ADAM22: variants seen among roughly 807,000 people sequenced by gnomAD.
ADAM22 encodes disintegrin and metalloproteinase domain-containing protein 22.
A neutral mutation model predicts 144.6 loss-of-function variants in ADAM22; 65 were observed. The ratio of observed to expected loss-of-function variants is 0.45; its 90% CI spans 0.37 to 0.55. The LOEUF (loss-of-function observed/expected upper bound fraction) is 0.55, where lower values mean the gene tolerates loss of function less well. Ranked by LOEUF, ADAM22 falls within the 20% of genes least tolerant of loss-of-function variation. The pLI is 0.00. For synonymous variants in ADAM22, 391 were observed against 412.6 expected (o/e 0.95, Z 0.63); for missense variants, 974 against 1,184.9 (o/e 0.82, Z 2.61).
chr7:88,085,230 A>G (rs182740781), intron 4 of ADAM22, among the ~76,000 whole-genome samples: 71 of 152,318 alleles, frequency 4.7e-4, no homozygotes, highest in African/African-American at 1.5e-3. Context: ...ATGAAAGGAA[A>G]TATGAAATCA....
At chr7:88,073,332 C>T (rs1813321636) in intron 3 of ADAM22, among the ~76,000 whole-genome samples, 1 of 152,076 alleles carries the variant, frequency 6.6e-6, no homozygotes, top group Admixed American at 6.5e-5. Flanking sequence ...GTGAGAATTG[C>T]AGCCATCATA....
chr7:88,167,451 C>T (rs878931595), intron 24 of ADAM22, among the ~76,000 whole-genome samples: 4 of 152,132 alleles, frequency 2.6e-5, no homozygotes, highest in Non-Finnish European at 5.9e-5. Flanking sequence ...GAGCTTCAAT[C>T]CCGCCCTGGA....
intron 7 of ADAM22, among the ~76,000 whole-genome samples, chr7:88,123,685 G>C (rs906120003): frequency 5.9e-5 from 9 of 151,684 alleles, no homozygotes; most frequent in Non-Finnish European, 1.3e-4. Flanking sequence ...TCTTAAGGTG[G>C]AAGATTAGAT....
At chr7:88,059,140 C>G (rs556920611) in intron 3 of ADAM22, among the ~76,000 whole-genome samples, 25 of 152,260 alleles carry the variant, frequency 1.6e-4, no homozygotes, top group African/African-American at 5.5e-4. Flanking sequence ...GAGGTTCACT[C>G]TCTGGGCAAA....
At chr7:87,998,348 A>G (rs1300203379) in intron 3 of ADAM22, among the ~76,000 whole-genome samples, 1 of 152,124 alleles carries the variant, frequency 6.6e-6, no homozygotes, top group Non-Finnish European at 1.5e-5. Flanking sequence ...GGCTCATGGG[A>G]TTACATTAGA....
chr7:87,934,909 G>A (rs1840833584), intron 1 of ADAM22, 117 bp from the exon 2 acceptor site: 2 of 1,426,674 alleles, frequency 1.4e-6, no homozygotes, highest in Admixed American at 1.8e-5. Flanking sequence ...CGAGAGGGAG[G>A]GGGCGGTGGG....
intron 11 of ADAM22, 182 bp from the exon 12 acceptor site, chr7:88,132,685 C>T (rs868611683): frequency 2.2e-6 from 1 of 457,134 alleles, no homozygotes; most frequent in Admixed American, 3.8e-5. Context: ...AAGAAAACAT[C>T]CCTCATAAAC....
At chr7:88,190,857 C>T (rs1385720528) in intron 30 of ADAM22, among the ~76,000 whole-genome samples, 1 of 152,128 alleles carries the variant, frequency 6.6e-6, no homozygotes, top group Non-Finnish European at 1.5e-5. Flanking sequence ...CTGTCACATA[C>T]CACCCAGCCT....
intron 4 of ADAM22, among the ~76,000 whole-genome samples, chr7:88,106,052 T>C (rs532258080): frequency 6.6e-6 from 1 of 152,230 alleles, no homozygotes; most frequent in South Asian, 2.1e-4. Flanking sequence ...ACACAGCTGG[T>C]AAGGGAAGGC....
intron 4 of ADAM22, among the ~76,000 whole-genome samples, chr7:88,081,043 A>G (rs1463483475): frequency 6.6e-6 from 1 of 152,212 alleles, no homozygotes; most frequent in Non-Finnish European, 1.5e-5. Flanking sequence ...ACAAAAAAAG[A>G]GAATTTTAGA....
At chr7:88,033,094 A>G (rs866392968) in intron 3 of ADAM22, among the ~76,000 whole-genome samples, 2 of 152,254 alleles carry the variant, frequency 1.3e-5, no homozygotes, top group South Asian at 4.2e-4. Flanking sequence ...CTTGATGCTT[A>G]TGGATGTTCA....
chr7:88,004,017 AC>A (rs548440494), intron 3 of ADAM22, among the ~76,000 whole-genome samples: 267 of 152,330 alleles, frequency 1.8e-3, no homozygotes, highest in Non-Finnish European at 3.2e-3. Flanking sequence ...ATTTAAAAAG[AC>A]CTGAAAATCT....
chr7:87,934,871 T>G (rs764333345), intron 1 of ADAM22, 155 bp from the exon 2 acceptor site: 1 of 1,059,882 alleles, frequency 9.4e-7, no homozygotes, highest in Non-Finnish European at 1.4e-6. Flanking sequence ...CTCGGGCTGG[T>G]GTCTCTGCGT....
intron 3 of ADAM22, among the ~76,000 whole-genome samples, chr7:88,022,255 A>G (rs968234378): frequency 3.3e-5 from 5 of 152,074 alleles, no homozygotes; most frequent in Non-Finnish European, 1.5e-5. Flanking sequence ...TCACTTACCT[A>G]TTAATGTGAC....
At chr7:88,171,045 C>A (rs1471264501) in intron 25 of ADAM22, among the ~76,000 whole-genome samples, 2 of 151,808 alleles carry the variant, frequency 1.3e-5, no homozygotes, top group Non-Finnish European at 2.9e-5. Flanking sequence ...ATTTATCATA[C>A]CTGATGAAAT....
intron 5 of ADAM22, among the ~76,000 whole-genome samples, chr7:88,111,435 G>A (rs929232510): frequency 5.3e-5 from 8 of 151,614 alleles, no homozygotes; most frequent in East Asian, 1.9e-4. Flanking sequence ...AATCAGATTC[G>A]TATATCTTTC....
At chr7:88,182,083 AAG>A in intron 29 of ADAM22, 59 bp downstream of exon 29, 1 of 1,422,124 alleles carries the variant, frequency 7.0e-7, no homozygotes, top group Non-Finnish European at 9.7e-7. Flanking sequence ...ATAGTGTCAA[AAG>A]TAAATTAAGC....
intron 7 of ADAM22, among the ~76,000 whole-genome samples, chr7:88,122,117 A>C (rs554744181): frequency 1.3e-5 from 2 of 152,230 alleles, no homozygotes; most frequent in East Asian, 3.9e-4. Flanking sequence ...CTGTGGAAGG[A>C]TATGCAGTTG....
chr7:87,978,477 A>C, intron 3 of ADAM22, 65 bp downstream of exon 3: 2 of 1,445,698 alleles, frequency 1.4e-6, no homozygotes, highest in Non-Finnish European at 1.9e-6. Context: ...TTCCACTTGT[A>C]AAGTTTTTTC....
Sources: allele counts gnomAD v4.1 joint callset (sites outside exome capture counted in the v4.1 genomes callset), GRCh38; gene constraint gnomAD v4.1.1; transcripts MANE v1.5; gene names NCBI Gene and HGNC (gene_info 2026-07-23, HGNC 2026-07-21).